COL22A1: variants seen among roughly 807,000 people sequenced by gnomAD.
COL22A1 encodes the protein collagen alpha-1(XXII) chain.
Under a neutral mutation model 248.9 loss-of-function variants are expected in COL22A1, and 221 were observed. That is an observed-to-expected ratio of 0.89 (90% CI 0.80 to 0.99). The LOEUF (loss-of-function observed/expected upper bound fraction) is 0.99. Ranked by LOEUF, COL22A1 falls within the 50% of genes least tolerant of loss-of-function variation. COL22A1 has a pLI of 0.00. For synonymous variants in COL22A1, 891 were observed against 793.4 expected (o/e 1.12, Z -2.07); for missense variants, 2,240 against 2,179.0 (o/e 1.03, Z -0.56).
At chr8:138,739,778 G>A (rs1227816039) in intron 22 of COL22A1, among the ~76,000 whole-genome samples, 2 of 152,204 alleles carry the variant, frequency 1.3e-5, no homozygotes, top group African/African-American at 2.4e-5. Flanking sequence ...GGGAGGAAGG[G>A]AAGATACAAC....
Position 138,588,362 on chromosome 8 carries a change from T to G in COL22A1, c.*891A>C, listed in dbSNP as rs1308721837. The G allele has an allele frequency of 6.6e-6, 1 of 152,190 alleles. No homozygotes were observed. Among genetic ancestry groups the G allele is most frequent in the Non-Finnish European group, 1.5e-5 (1 of 68,040 alleles). 9.4% of individuals were successfully genotyped at this position (152,190 alleles called of 1,614,324 possible). A position where few individuals can be genotyped will look rare whatever the true frequency, so the allele number is the denominator to read the frequency against. ...GGAGATACAAATTTCCCAGCTCTGG[T>G]CAGTGCCCTGGCCAACTGCCCATCA... On this transcript the variant is annotated 3_prime_UTR_variant, in exon 65 of 65. Transcript: ENST00000303045.
intron 11 of COL22A1, among the ~76,000 whole-genome samples, chr8:138,797,915 T>C (rs1187609263): frequency 6.6e-6 from 1 of 152,050 alleles, no homozygotes; most frequent in East Asian, 1.9e-4. Flanking sequence ...AATGTCTCCC[T>C]TTATTGATTT....
At position 138,612,743 on chromosome 8, in the gene COL22A1, G is replaced by A. The variant is rs144012455; in HGVS notation, c.3978+1124C>T. On this transcript the variant is annotated intron_variant, in intron 56 of 64. Coordinates refer to ENST00000303045, the MANE Select transcript of COL22A1 (RefSeq NM_152888.3). ...GGAGTTCGAAACCAGCCTGGCCAAC[G>A]TGGCAAAACCCCATCTCTACTAAAA... is the stretch of plus-strand genomic sequence containing the variant. 4.9e-3 allele frequency among the ~76,000 whole-genome samples: 746 copies of A among 151,620 alleles called. 5 individuals are homozygous for A. Among genetic ancestry groups the A allele is most frequent in the African/African-American group, 0.017 (705 of 41,320 alleles).
chr8:138,836,136 T>C (rs1396477703), intron 4 of COL22A1, among the ~76,000 whole-genome samples: 1 of 152,040 alleles, frequency 6.6e-6, no homozygotes, highest in African/African-American at 2.4e-5. Flanking sequence ...CCAGGGGTGG[T>C]AGTGGGTTCC....
At chr8:138,628,341 C>T (rs1212797256) in intron 50 of COL22A1, among the ~76,000 whole-genome samples, 1 of 150,828 alleles carries the variant, frequency 6.6e-6, no homozygotes, top group African/African-American at 2.4e-5. Context: ...AATCCTAGCA[C>T]TTTGGGAAGC....
chr8:138,704,124 G>T (rs963814049), intron 30 of COL22A1, among the ~76,000 whole-genome samples: 2 of 152,164 alleles, frequency 1.3e-5, no homozygotes, highest in Admixed American at 6.5e-5. Flanking sequence ...CAAAGCAGCC[G>T]GGAGGCTCGA....
At chr8:138,772,280 C>G (rs1226332035) in intron 16 of COL22A1, among the ~76,000 whole-genome samples, 1 of 152,162 alleles carries the variant, frequency 6.6e-6, no homozygotes, top group Non-Finnish European at 1.5e-5. Context: ...CAGGGAAGAC[C>G]CAGAGGTGAA....
At position 138,877,902 on chromosome 8, in the gene COL22A1, C is replaced by T. The variant is rs756479023; in HGVS notation, c.506G>A (p.Gly169Asp). 13 of 1,610,940 alleles carry T rather than the reference C, an allele frequency of 8.1e-6. No homozygotes were observed. In the East Asian group the frequency reaches 8.9e-5, roughly 11 times the overall value. The change falls in exon 3 of 65, where the codon GGC becomes GAC. Residue 169 changes from glycine to aspartate, a missense_variant. Coordinates refer to ENST00000303045, the MANE Select transcript of COL22A1 (RefSeq NM_152888.3). ...CACGCCCACGGCAAAGATGCGGATG[C>T]CAGCGCGGTGGGCTGCCGCCGCGGC... is the stretch of plus-strand genomic sequence containing the variant. Reference protein sequence around the residue: ...LDAAAAAHRAGIRIFAVGVGE... With the variant: ...LDAAAAAHRADIRIFAVGVGE...
intron 3 of COL22A1, among the ~76,000 whole-genome samples, chr8:138,870,202 G>A (rs1193677534): frequency 2.0e-5 from 3 of 151,804 alleles, no homozygotes; most frequent in Non-Finnish European, 4.4e-5. Flanking sequence ...GGTGTGTGGA[G>A]CTGTGTACAT....
chr8:138,661,544 A>C (rs1305294199), intron 43 of COL22A1, among the ~76,000 whole-genome samples: 3 of 152,178 alleles, frequency 2.0e-5, no homozygotes, highest in Non-Finnish European at 4.4e-5. Flanking sequence ...GAGCTCAGAG[A>C]TGGCTGAGCA....
chr8:138,872,449 G>A (rs370382716), intron 3 of COL22A1, among the ~76,000 whole-genome samples: 2 of 152,216 alleles, frequency 1.3e-5, no homozygotes, highest in African/African-American at 4.8e-5. Context: ...ACAGGAGAGA[G>A]AGGACCACCA....
intron 39 of COL22A1, among the ~76,000 whole-genome samples, chr8:138,680,887 G>T (rs112768900): frequency 1.2e-3 from 188 of 152,348 alleles, no homozygotes; most frequent in African/African-American, 4.2e-3. Flanking sequence ...TTAAGTAGGA[G>T]GAAACATTTG....
rs372694589 is a variant in COL22A1 at position 138,760,242 on chromosome 8, C to T, written c.1902+1G>A. The T allele has an allele frequency of 9.4e-5, 149 of 1,578,164 alleles. No individual in the cohort carries two copies. Among genetic ancestry groups the T allele is most frequent in the Non-Finnish European group, 1.2e-4 (141 of 1,162,006 alleles). ...CCCTTGACAGCCCCAGGCTCGCTCA[C>T]CTTTTCTCCCTGGGGTCCTGCCACA... On this transcript the variant is annotated splice_donor_variant, in intron 18 of 64. Transcript: ENST00000303045. LOFTEE classifies it high-confidence loss of function.
Position 138,604,247 on chromosome 8 carries a change from T to C in COL22A1, c.4140+487A>G, listed in dbSNP as rs886504255. ...GGAGAGTGCAGGGGGAGGGCAGACC[T>C]GCAGGTTGTACTGCAGTGTCTCCAT... On this transcript the variant is annotated intron_variant, in intron 59 of 64. Coordinates refer to ENST00000303045, the MANE Select transcript of COL22A1 (RefSeq NM_152888.3). 3.3e-5 allele frequency among the ~76,000 whole-genome samples: 5 copies of C among 152,154 alleles called. 1 individual carries two copies. The highest frequency in any genetic ancestry group is 4.1e-4 in the South Asian group (2 of 4,824).
At chr8:138,816,254 T>G (rs912212920) in intron 7 of COL22A1, among the ~76,000 whole-genome samples, 3 of 151,896 alleles carry the variant, frequency 2.0e-5, no homozygotes, top group African/African-American at 7.3e-5. Context: ...GGGTGAGAGG[T>G]CCTCTGAGCC....
At chr8:138,795,155 G>A (rs1331060076) in intron 12 of COL22A1, among the ~76,000 whole-genome samples, 2 of 152,188 alleles carry the variant, frequency 1.3e-5, no homozygotes, top group African/African-American at 4.8e-5. Context: ...TCCTGGTGCT[G>A]TGCTTTTAAG....
chr8:138,638,464 C>A (rs756460535), intron 47 of COL22A1, among the ~76,000 whole-genome samples: 3 of 152,124 alleles, frequency 2.0e-5, no homozygotes, highest in Non-Finnish European at 1.5e-5. Flanking sequence ...CCACAGTTCT[C>A]TCATGGAAAC....
At chr8:138,856,699 T>C (rs28398038) in intron 3 of COL22A1, among the ~76,000 whole-genome samples, 60,272 of 146,190 alleles carry the variant, frequency 0.41, 13,495 homozygotes, top group African/African-American at 0.63. Context: ...GAGAGAGGGA[T>C]AGAGAGAGAG....
chr8:138,624,729 T>C (rs1285173005), intron 51 of COL22A1, among the ~76,000 whole-genome samples: 2 of 152,156 alleles, frequency 1.3e-5, no homozygotes, highest in African/African-American at 4.8e-5. Context: ...ACTTCAGATC[T>C]GTGTGTCCTG....
Sources: allele counts gnomAD v4.1 joint callset (sites outside exome capture counted in the v4.1 genomes callset), GRCh38; gene constraint gnomAD v4.1.1; transcripts MANE v1.5; gene names NCBI Gene and HGNC (gene_info 2026-07-23, HGNC 2026-07-21).